Variants in CTCF observed in about 807,000 individuals in gnomAD.
CTCF encodes the protein CCCTC-binding factor, also known as transcriptional repressor CTCF.
A neutral mutation model predicts 72.3 loss-of-function variants in CTCF; 7 were observed. The observed-to-expected ratio is 0.10, with a 90% CI of 0.06 to 0.18. CTCF has a LOEUF of 0.18. Among genes scored for constraint, CTCF ranks in the 10% least tolerant of loss-of-function variants. The probability of loss-of-function intolerance (pLI) is 1.00; values close to 1 mark genes in which losing one functional copy is unlikely to be tolerated. For synonymous variants in CTCF, 374 were observed against 315.8 expected (o/e 1.18, Z -1.95); for missense variants, 516 against 949.1 (o/e 0.54, Z 6.00).
chr16:67,568,818 A>G (rs1412713008), intron 1 of CTCF, among the ~76,000 whole-genome samples: 1 of 149,978 alleles, frequency 6.7e-6, no homozygotes, highest in Non-Finnish European at 1.5e-5. Flanking sequence ...GTGAGCCATC[A>G]CACCTGGCTA....
intron 2 of CTCF, among the ~76,000 whole-genome samples, chr16:67,598,598 C>G (rs1251839648): frequency 6.6e-6 from 1 of 152,158 alleles, no homozygotes; most frequent in Non-Finnish European, 1.5e-5. Flanking sequence ...ATAGGTTTCA[C>G]AATGAAAGAA....
intron 1 of CTCF, among the ~76,000 whole-genome samples, chr16:67,565,004 C>T (rs1329901680): frequency 6.6e-6 from 1 of 151,734 alleles, no homozygotes; most frequent in South Asian, 2.1e-4. Context: ...GTAACCCAGA[C>T]CTTTTTTTTT....
chr16:67,631,650 T>G (rs954876007), intron 10 of CTCF, among the ~76,000 whole-genome samples: 1 of 151,108 alleles, frequency 6.6e-6, no homozygotes, highest in Non-Finnish European at 1.5e-5. Context: ...CTAAGCTGTT[T>G]ATGTTTGGAT....
chr16:67,570,959 A>G (rs948392075), intron 1 of CTCF, 189 bp from the exon 2 acceptor site: 3 of 152,022 alleles, frequency 2.0e-5, no homozygotes, highest in Non-Finnish European at 4.4e-5. Flanking sequence ...TGAAAAAATA[A>G]ATGAATGTTT....
intron 2 of CTCF, among the ~76,000 whole-genome samples, chr16:67,599,391 T>C (rs1371794509): frequency 6.6e-6 from 1 of 151,982 alleles, no homozygotes; most frequent in African/African-American, 2.4e-5. Context: ...CGAGAATCTG[T>C]CTCAAAGAAA....
In CTCF at chr16:67,584,191, G is replaced by GGGCACCT. The variant is rs2051629195; in HGVS notation, c.-10+12929_-10+12935dup. On this transcript the variant is annotated intron_variant, in intron 2 of 11. Transcript: ENST00000264010. ...TTCGAGACTAGCTGGGCATGGTGGT[G>GGGCACCT]GGCACCTGTAATCCCAGCTACTCGG... Among the ~76,000 whole-genome samples, 3 of 151,854 alleles carry GGGCACCT rather than the reference G, an allele frequency of 2.0e-5. No homozygotes were observed. In the South Asian group the frequency reaches 6.3e-4, roughly 32 times the overall value.
chr16:67,581,567 G>A lies in CTCF; in HGVS notation c.-10+10303G>A, dbSNP rs142294763. Among the ~76,000 whole-genome samples the A allele has an allele frequency of 1.1e-3, 172 of 151,970 alleles. 1 individual carries two copies. Among genetic ancestry groups the A allele is most frequent in the African/African-American group, 4.1e-3 (168 of 41,476 alleles). On this transcript the variant is annotated intron_variant, in intron 2 of 11. Transcript: ENST00000264010. Reference sequence around the variant, plus strand: ...TGTCCAGTCTGGAGTGTGGTGGCACGATCTTGGCTCGCTACAACCTCCGCC... The same window carrying A: ...TGTCCAGTCTGGAGTGTGGTGGCACAATCTTGGCTCGCTACAACCTCCGCC...
intron 2 of CTCF, among the ~76,000 whole-genome samples, chr16:67,590,657 T>C (rs1267532979): frequency 2.0e-5 from 3 of 151,222 alleles, no homozygotes; most frequent in African/African-American, 4.8e-5. Flanking sequence ...TTTTAAAAAT[T>C]GGCCGAGCAC....
rs745884885 is a variant in CTCF at position 67,628,362 on chromosome 16, C to T, written c.1519-8C>T. 15 of 1,611,646 alleles carry T rather than the reference C, an allele frequency of 9.3e-6. No individual in the cohort carries two copies. In the East Asian group the frequency reaches 2.2e-4, roughly 24 times the overall value. ...GGCTCTGAGGCCTTTCCCCCTATGC[C>T]GTTTCAGGAGAGGCACATGATCATG... On this transcript the variant is annotated splice_polypyrimidine_tract_variant and splice_region_variant and intron_variant, in intron 8 of 11. Coordinates refer to ENST00000264010, the MANE Select transcript of CTCF (RefSeq NM_006565.4).
At chr16:67,565,032 G>C (rs943426719) in intron 1 of CTCF, among the ~76,000 whole-genome samples, 1 of 150,790 alleles carries the variant, frequency 6.6e-6, no homozygotes, top group African/African-American at 2.4e-5. Context: ...ACGGAGTCTC[G>C]TTCTGTCCCC....
intron 8 of CTCF, chr16:67,627,599 G>C (rs1297368645): frequency 1.3e-5 from 2 of 151,096 alleles, no homozygotes; most frequent in Non-Finnish European, 2.9e-5. Context: ...GGGAGTTCAA[G>C]ACCAGCCTGG....
intron 2 of CTCF, among the ~76,000 whole-genome samples, chr16:67,596,009 A>G (rs2051809657): frequency 6.6e-6 from 1 of 151,208 alleles, no homozygotes; most frequent in Non-Finnish European, 1.5e-5. Flanking sequence ...GCTGGAGTGC[A>G]GTGGCATACT....
chr16:67,577,226 G>A (rs1045262210), intron 2 of CTCF, among the ~76,000 whole-genome samples: 1 of 151,688 alleles, frequency 6.6e-6, no homozygotes, highest in African/African-American at 2.4e-5. Flanking sequence ...ACACCATCCT[G>A]GCTAACACAG....
At chr16:67,586,984 A>G (rs1202292188) in intron 2 of CTCF, among the ~76,000 whole-genome samples, 1 of 151,912 alleles carries the variant, frequency 6.6e-6, no homozygotes, top group Non-Finnish European at 1.5e-5. Context: ...TTGTAAAGAC[A>G]AGGTTTTGCC....
At chr16:67,572,163 G>A (rs907785598) in intron 2 of CTCF, among the ~76,000 whole-genome samples, 17 of 152,186 alleles carry the variant, frequency 1.1e-4, no homozygotes. Flanking sequence ...CAAATAAAGA[G>A]AAGGGAATAG....
At position 67,638,410 on chromosome 16, in the gene CTCF, G is replaced by C. The variant is rs1319132528; in HGVS notation, c.*538G>C. 1 of 225,512 alleles carries C rather than the reference G, an allele frequency of 4.4e-6. No homozygotes were observed. The highest frequency in any genetic ancestry group is 8.8e-6 in the Non-Finnish European group (1 of 113,242). 14.0% of individuals were successfully genotyped at this position (225,512 alleles called of 1,614,324 possible). On this transcript the variant is annotated 3_prime_UTR_variant, in exon 12 of 12. Coordinates refer to ENST00000264010, the MANE Select transcript of CTCF (RefSeq NM_006565.4). ...TGCCTCTTTCTTGGCAAAGTTTCTG[G>C]TATGGTCAAGCTTGTAAATAACTTT...
In CTCF at chr16:67,621,509, C is replaced by T. The variant is rs2052198709; in HGVS notation, c.1275C>T (p.His425=). The T allele has an allele frequency of 6.2e-7, 1 of 1,612,350 alleles. No homozygotes were observed. Among genetic ancestry groups the T allele is most frequent in the Non-Finnish European group, 8.5e-7 (1 of 1,178,576 alleles). ...CCCAAAGTGGTACCATGAAGATGCA[C>T]ATTTTACAGAAGCACACAGAAAATG... ...RFTQSGTMKM[H]ILQKHTENVA... The change falls in exon 7 of 12, where the codon CAC becomes CAT. Residue 425 remains histidine, a synonymous_variant. Coordinates refer to ENST00000264010, the MANE Select transcript of CTCF (RefSeq NM_006565.4).
chr16:67,591,743 A>G (rs2051747045), intron 2 of CTCF, among the ~76,000 whole-genome samples: 1 of 152,102 alleles, frequency 6.6e-6, no homozygotes, highest in Non-Finnish European at 1.5e-5. Flanking sequence ...GTAAGGGCAC[A>G]GAGTCTTGCG....
intron 2 of CTCF, among the ~76,000 whole-genome samples, chr16:67,608,840 C>T (rs1292550730): frequency 1.3e-5 from 2 of 151,780 alleles, no homozygotes; most frequent in African/African-American, 2.4e-5. Context: ...CCGGGTCAAA[C>T]GATTCTCCTG....
Sources: gnomAD v4.1 joint callset for allele counts (sites outside exome capture counted in the v4.1 genomes callset) on GRCh38, gnomAD v4.1.1 for gene constraint, MANE v1.5 for transcripts, NCBI Gene and HGNC (gene_info 2026-07-23, HGNC 2026-07-21) for gene names.